SLC11A2: variants seen among roughly 807,000 people sequenced by gnomAD.
SLC11A2 encodes the protein solute carrier family 11 member 2.
SLC11A2 carries 38 observed loss-of-function variants against 68.0 expected under a neutral mutation model. The observed-to-expected ratio is 0.56, with a 90% CI of 0.43 to 0.73. The LOEUF is 0.73. Ranked by LOEUF, SLC11A2 falls within the 30% of genes least tolerant of loss-of-function variation. SLC11A2 has a pLI of 0.00. For missense variants in SLC11A2, 517 were observed against 690.5 expected (o/e 0.75, Z 2.82); for synonymous variants, 242 against 250.6 (o/e 0.97, Z 0.32).
downstream of SLC11A2, among the ~76,000 whole-genome samples, chr12:50,982,188 T>C (rs1232139964): frequency 6.6e-6 from 1 of 152,208 alleles, no homozygotes; most frequent in African/African-American, 2.4e-5. Context: ...TCCTGAGCCC[T>C]ATTATCCTTT....
chr12:50,969,978 G>T, the SLC11A2 span, among the ~76,000 whole-genome samples: 1 of 151,944 alleles, frequency 6.6e-6, no homozygotes, highest in Admixed American at 6.6e-5. Flanking sequence ...CATGCCCCAG[G>T]ACTCTGTGGA....
At chr12:50,974,704 G>A (rs568274200), downstream of SLC11A2, among the ~76,000 whole-genome samples, 1 of 152,240 alleles carries the variant, frequency 6.6e-6, no homozygotes, top group South Asian at 2.1e-4. Flanking sequence ...CAAACTGGAT[G>A]AAGAGTCAAG....
chr12:50,985,962 C>T, downstream of SLC11A2: 1 of 1,142,836 alleles, frequency 8.8e-7, no homozygotes, highest in Admixed American at 4.3e-5. Context: ...TAAATTATTT[C>T]AAGGTTAAAA....
Position 50,986,272 on chromosome 12 carries a change from G to C in SLC11A2, c.*2053C>G, listed in dbSNP as rs1322181102. ...AAACTCACTGGATATGCTGGAATTG[G>C]AGGACTTAAATTTCTACATATTATT... On this transcript the variant is annotated 3_prime_UTR_variant, in exon 16 of 16. Transcript: ENST00000262052. The C allele has an allele frequency of 7.8e-7, 1 of 1,286,140 alleles. No individual in the cohort carries two copies. The highest frequency in any genetic ancestry group is 2.3e-5 in the Admixed American group (1 of 43,558). 79.7% of individuals were successfully genotyped at this position (1,286,140 alleles called of 1,614,324 possible). A position where few individuals can be genotyped will look rare whatever the true frequency, so the allele number is the denominator to read the frequency against.
chr12:50,954,766 G>A, the SLC11A2 span, among the ~76,000 whole-genome samples: 2 of 152,062 alleles, frequency 1.3e-5, no homozygotes, highest in Non-Finnish European at 2.9e-5. Flanking sequence ...AAAAACTTCT[G>A]CATCTAATGT....
At chr12:51,000,645 G>A (rs1241227825) in intron 5 of SLC11A2, 3 of 591,372 alleles carry the variant, frequency 5.1e-6, no homozygotes, top group African/African-American at 1.9e-5. Flanking sequence ...TGTGAACGAA[G>A]GTCAAGGCAG....
chr12:51,020,805 T>C (rs774415814), intron 1 of SLC11A2, among the ~76,000 whole-genome samples: 38 of 152,170 alleles, frequency 2.5e-4, no homozygotes, highest in Admixed American at 5.2e-4. Flanking sequence ...AGCAATTACA[T>C]TGTATTAAGT....
chr12:50,961,117 T>C, the SLC11A2 span: 2 of 1,612,964 alleles, frequency 1.2e-6, no homozygotes, highest in African/African-American at 1.3e-5. Context: ...CCCGCTTAAT[T>C]TGTATCTTAT....
At chr12:51,020,109 T>C (rs778049443) in intron 1 of SLC11A2, among the ~76,000 whole-genome samples, 6 of 151,842 alleles carry the variant, frequency 4.0e-5, no homozygotes, top group Non-Finnish European at 8.8e-5. Flanking sequence ...TTTACATATT[T>C]CTAGCCTCCC....
At chr12:50,973,439 T>C in the SLC11A2 span, among the ~76,000 whole-genome samples, 610 of 152,216 alleles carry the variant, frequency 4.0e-3, 3 homozygotes, top group East Asian at 0.035. Context: ...TCCTGACTGT[T>C]AGAAGGAAAA....
chr12:50,999,486 C>A, intron 6 of SLC11A2, 71 bp from the exon 7 acceptor site: 2 of 1,228,044 alleles, frequency 1.6e-6, no homozygotes, highest in Non-Finnish European at 2.4e-6. Context: ...ACTCTCTTCC[C>A]AACAGCTCTC....
rs755982622 is a variant in SLC11A2, at chr12:51,019,521, AT to A, written c.-39+6788del. Among the ~76,000 whole-genome samples, 3 of 151,972 alleles carry A rather than the reference AT, an allele frequency of 2.0e-5. No homozygotes were observed. In the East Asian group the frequency reaches 5.8e-4, roughly 29 times the overall value. ...GCTAATTATTTTCTGAACCCTATGT[AT>A]TTTAATGAGGAAGGTTATTAATCAC... is the stretch of plus-strand genomic sequence containing the variant. On this transcript the variant is annotated intron_variant, in intron 1 of 15. Transcript: ENST00000262052.
intron 4 of SLC11A2, 93 bp downstream of exon 4, chr12:51,005,218 C>A (rs887336595): frequency 7.5e-7 from 1 of 1,338,098 alleles, no homozygotes; most frequent in African/African-American, 1.4e-5. Flanking sequence ...CTGCATGTAG[C>A]CCCTGAGGCT....
At chr12:50,992,147 C>T (rs754551451) in intron 13 of SLC11A2, 43 bp downstream of exon 13, 65 of 1,607,606 alleles carry the variant, frequency 4.0e-5, no homozygotes, top group Non-Finnish European at 5.4e-5. Flanking sequence ...GTACATAATG[C>T]TACCTGAATA....
downstream of SLC11A2, among the ~76,000 whole-genome samples, chr12:50,976,352 A>C (rs1466414081): frequency 2.6e-5 from 4 of 152,224 alleles, no homozygotes; most frequent in African/African-American, 9.6e-5. Context: ...ACAAATCAAT[A>C]AATGTAATCC....
chr12:51,013,465 A>AT (rs796442002), intron 1 of SLC11A2, among the ~76,000 whole-genome samples: 173 of 144,370 alleles, frequency 1.2e-3, no homozygotes, highest in African/African-American at 2.6e-3. Flanking sequence ...TAATTTTTGT[A>AT]TTTTTTTTTT....
the SLC11A2 span, among the ~76,000 whole-genome samples, chr12:50,970,889 TA>T: frequency 1.5e-4 from 23 of 151,806 alleles, no homozygotes; most frequent in South Asian, 4.2e-4. Context: ...TATTTTATTT[TA>T]TTTTTTGAGA....
chr12:50,959,324 T>G, the SLC11A2 span, among the ~76,000 whole-genome samples: 3 of 152,164 alleles, frequency 2.0e-5, no homozygotes, highest in African/African-American at 7.2e-5. Context: ...TTCTCCATGT[T>G]GGTCAGGCTG....
chr12:51,002,839 C>G (rs1942383690), intron 5 of SLC11A2, among the ~76,000 whole-genome samples: 1 of 151,890 alleles, frequency 6.6e-6, no homozygotes, highest in South Asian at 2.1e-4. Context: ...ACTCAGGAGG[C>G]TGAGGCAGGA....
Sources: gnomAD v4.1 joint callset for allele counts (sites outside exome capture counted in the v4.1 genomes callset) on GRCh38, gnomAD v4.1.1 for gene constraint, MANE v1.5 for transcripts, NCBI Gene and HGNC (gene_info 2026-07-23, HGNC 2026-07-21) for gene names.